NCAM1: variants seen among roughly 807,000 people sequenced by gnomAD.
NCAM1 encodes antigen recognized by monoclonal antibody 5.1H11.
In NCAM1, 14 loss-of-function variants were observed where a neutral mutation model predicts 109.8. That is an observed-to-expected ratio of 0.13 (90% CI 0.08 to 0.20). The LOEUF (loss-of-function observed/expected upper bound fraction) is 0.20, where lower values mean the gene tolerates loss of function less well. Among genes scored for constraint, NCAM1 ranks in the 10% least tolerant of loss-of-function variants. The pLI is 1.00. For synonymous variants in NCAM1, 418 were observed against 442.9 expected, an observed-to-expected ratio of 0.94 and a Z score of 0.70; for missense variants, 774 against 1,109.9, an observed-to-expected ratio of 0.70 and a Z score of 4.30.
chr11:113,244,600 A>G (rs1945440681), intron 14 of NCAM1, among the ~76,000 whole-genome samples: 1 of 152,064 alleles, frequency 6.6e-6, no homozygotes, highest in Non-Finnish European at 1.5e-5. Context: ...TCGATCATCA[A>G]TCCATCAGTG....
At chr11:113,001,964 G>C (rs782582173) in intron 1 of NCAM1, among the ~76,000 whole-genome samples, 3 of 152,156 alleles carry the variant, frequency 2.0e-5, no homozygotes, top group African/African-American at 7.2e-5. Context: ...GAGGCAATTA[G>C]AGCAACCCGC....
At chr11:113,236,292 G>A (rs1379477634) in intron 14 of NCAM1, 2 of 1,613,450 alleles carry the variant, frequency 1.2e-6, no homozygotes, top group African/African-American at 1.3e-5. Flanking sequence ...CCATCCATGG[G>A]AAATGCAGAT....
At chr11:113,120,794 AG>A (rs1940922607) in intron 1 of NCAM1, among the ~76,000 whole-genome samples, 1 of 152,210 alleles carries the variant, frequency 6.6e-6, no homozygotes, top group African/African-American at 2.4e-5. Flanking sequence ...AAAATGCCAG[AG>A]GGTTGATACT....
At position 113,245,960 on chromosome 11, in the gene NCAM1, A is replaced by C. The variant is rs140047463; in HGVS notation, c.1826-408A>C. The C allele has an allele frequency of 4.3e-5, 9 of 207,036 alleles. No homozygotes were observed. The East Asian group carries it at 8.7e-4, about 20-fold the overall frequency. 12.8% of individuals were successfully genotyped at this position (207,036 alleles called of 1,614,324 possible). A position where few individuals can be genotyped will look rare whatever the true frequency, so the allele number is the denominator to read the frequency against. ...TTTCCTTTAACAGTCTCCTGGATTG[A>C]CTTTGACATCTGGGTCCTGACAGCA... On this transcript the variant is annotated intron_variant, in intron 14 of 19. Coordinates refer to ENST00000316851, the MANE Select transcript of NCAM1 (RefSeq NM_181351.5).
intron 1 of NCAM1, among the ~76,000 whole-genome samples, chr11:113,012,439 G>T (rs868984014): frequency 6.6e-6 from 1 of 152,176 alleles, no homozygotes; most frequent in African/African-American, 2.4e-5. Context: ...TATTGTGATT[G>T]TGTATCCCTA....
intron 16 of NCAM1, among the ~76,000 whole-genome samples, chr11:113,259,824 CT>C (rs1945935918): frequency 6.6e-6 from 1 of 151,834 alleles, no homozygotes; most frequent in Non-Finnish European, 1.5e-5. Flanking sequence ...TTGCCTCAGC[CT>C]CCAGAGTAGC....
intron 1 of NCAM1, among the ~76,000 whole-genome samples, chr11:113,013,801 T>C (rs990741913): frequency 6.6e-6 from 1 of 152,220 alleles, no homozygotes; most frequent in African/African-American, 2.4e-5. Flanking sequence ...AAACAAGAAA[T>C]CCACTTTGAT....
chr11:113,180,835 C>T (rs1591392474), intron 1 of NCAM1, among the ~76,000 whole-genome samples: 1 of 152,156 alleles, frequency 6.6e-6, no homozygotes, highest in Admixed American at 6.5e-5. Flanking sequence ...TCCAGCTCTT[C>T]GTCTGTATAA....
At chr11:113,021,371 G>C (rs1227027030) in intron 1 of NCAM1, among the ~76,000 whole-genome samples, 1 of 152,166 alleles carries the variant, frequency 6.6e-6, no homozygotes, top group East Asian at 1.9e-4. Flanking sequence ...AACATGAATG[G>C]AGAAGACATT....
intron 1 of NCAM1, chr11:113,197,238 A>G: frequency 4.3e-6 from 1 of 230,562 alleles, no homozygotes; most frequent in Middle Eastern, 4.6e-4. Context: ...GAGCCAAACT[A>G]TCTCACCATC....
At chr11:113,119,758 T>G (rs1373003832) in intron 1 of NCAM1, among the ~76,000 whole-genome samples, 1 of 152,134 alleles carries the variant, frequency 6.6e-6, no homozygotes, top group Non-Finnish European at 1.5e-5. Flanking sequence ...GTTCAGCATG[T>G]CTCCTCTCTG....
intron 17 of NCAM1, chr11:113,264,305 T>C (rs1555124001): frequency 2.0e-6 from 2 of 985,308 alleles, no homozygotes; most frequent in African/African-American, 3.5e-5. Context: ...TTCCAAATGA[T>C]CCCATGCTGT....
In NCAM1 at chr11:113,193,180, T is replaced by A. The variant is rs1331747087; in HGVS notation, c.53-9199T>A. 2.0e-5 allele frequency among the ~76,000 whole-genome samples: 3 copies of A among 152,230 alleles called. No homozygotes were observed. In the East Asian group the frequency reaches 5.8e-4, roughly 29 times the overall value. ...ATCTGGAAAGCATTCTCGTCTTCTATGAGACTCTGTTAAAACTAGAAAACA... is the reference window on the plus strand; with the variant it reads ...ATCTGGAAAGCATTCTCGTCTTCTAAGAGACTCTGTTAAAACTAGAAAACA... On this transcript the variant is annotated intron_variant, in intron 1 of 19. Coordinates refer to ENST00000316851, the MANE Select transcript of NCAM1 (RefSeq NM_181351.5).
intron 1 of NCAM1, among the ~76,000 whole-genome samples, chr11:113,038,870 G>C (rs915967212): frequency 1.3e-5 from 2 of 152,164 alleles, no homozygotes; most frequent in Admixed American, 6.5e-5. Flanking sequence ...CCTTATGGCT[G>C]GTTCTGTGCT....
Position 113,226,694 on chromosome 11 carries a change from A to C in NCAM1, c.1090-4951A>C, listed in dbSNP as rs1207859175. Among the ~76,000 whole-genome samples, 3 of 152,232 alleles carry C rather than the reference A, an allele frequency of 2.0e-5. No homozygotes were observed. The East Asian group carries it at 5.8e-4, about 29-fold the overall frequency. On this transcript the variant is annotated intron_variant, in intron 9 of 19. Transcript: ENST00000316851. ...CATAGTTGGAAGTAAAGCACTCCTCAGCAAATGTAAAAGAACAGAAATGAT... is the reference window on the plus strand; with the variant it reads ...CATAGTTGGAAGTAAAGCACTCCTCCGCAAATGTAAAAGAACAGAAATGAT...
chr11:113,136,843 A>G (rs1267778423), intron 1 of NCAM1, among the ~76,000 whole-genome samples: 1 of 152,132 alleles, frequency 6.6e-6, no homozygotes, highest in Non-Finnish European at 1.5e-5. Context: ...AGAGGGATAA[A>G]TGGTCCCAGT....
At chr11:113,029,013 C>T (rs17114702) in intron 1 of NCAM1, among the ~76,000 whole-genome samples, 28,603 of 152,018 alleles carry the variant, frequency 0.19, 3,036 homozygotes, top group East Asian at 0.27. Context: ...ACCCAGCTGA[C>T]GTTGCTCCTT....
At chr11:113,216,911 C>T (rs1944548110) in intron 8 of NCAM1, among the ~76,000 whole-genome samples, 1 of 152,144 alleles carries the variant, frequency 6.6e-6, no homozygotes, top group Non-Finnish European at 1.5e-5. Flanking sequence ...AAATAAATTT[C>T]ACTTTTACTT....
At chr11:113,231,516 G>A in intron 9 of NCAM1, 129 bp from the exon 10 acceptor site, 1 of 1,013,340 alleles carries the variant, frequency 9.9e-7, no homozygotes. Flanking sequence ...ACACAGAGAG[G>A]AGAGAGGAAG....
Sources: allele counts gnomAD v4.1 joint callset (sites outside exome capture counted in the v4.1 genomes callset), GRCh38; gene constraint gnomAD v4.1.1; transcripts MANE v1.5; gene names NCBI Gene and HGNC (gene_info 2026-07-23, HGNC 2026-07-21).